GRID2: variants seen among roughly 807,000 people sequenced by gnomAD.
The protein encoded by GRID2 is glutamate receptor ionotropic, delta-2.
In GRID2, 33 loss-of-function variants were observed where a neutral mutation model predicts 114.8. That is an observed-to-expected ratio of 0.29 (90% CI 0.22 to 0.38). The LOEUF (loss-of-function observed/expected upper bound fraction) is 0.38. Among genes scored for constraint, GRID2 ranks in the 10% least tolerant of loss-of-function variants. The probability of loss-of-function intolerance (pLI) is 1.00; values close to 1 mark genes in which losing one functional copy is unlikely to be tolerated. For missense variants in GRID2, 1,184 were observed against 1,257.7 expected (o/e 0.94, Z 0.89); for synonymous variants, 505 against 449.9 (o/e 1.12, Z -1.55).
At chr4:93,786,971 G>A (rs1200308979) in intron 1 of GRID2, among the ~76,000 whole-genome samples, 1 of 151,876 alleles carries the variant, frequency 6.6e-6, no homozygotes, top group African/African-American at 2.4e-5. Context: ...TATAGTGAGA[G>A]GCCATTTTGA....
At chr4:93,585,027 C>T (rs1393255374) in intron 13 of GRID2, among the ~76,000 whole-genome samples, 2 of 152,060 alleles carry the variant, frequency 1.3e-5, no homozygotes, top group Non-Finnish European at 2.9e-5. Flanking sequence ...TCATAATAAG[C>T]AGAGGTTATC....
At chr4:93,368,908 A>G (rs190314890) in intron 8 of GRID2, among the ~76,000 whole-genome samples, 3 of 152,230 alleles carry the variant, frequency 2.0e-5, no homozygotes, top group Non-Finnish European at 4.4e-5. Context: ...TTTCATCTAA[A>G]AAGAGAGAGA....
At chr4:93,066,390 T>A (rs1578888044) in intron 2 of GRID2, among the ~76,000 whole-genome samples, 1 of 151,988 alleles carries the variant, frequency 6.6e-6, no homozygotes, top group Admixed American at 6.6e-5. Flanking sequence ...AAGATTTGCC[T>A]GGACAAATTA....
chr4:93,555,934 TGCAGCCTCCACTGGTGATA>T (rs1272986083), intron 13 of GRID2, among the ~76,000 whole-genome samples: 3 of 152,206 alleles, frequency 2.0e-5, no homozygotes, highest in Non-Finnish European at 4.4e-5. Flanking sequence ...TTTGCTGTTC[TGCAGCCTCCACTGGTGATA>T]CCCAGGCAAA....
At chr4:93,565,470 A>G (rs1735318677) in intron 13 of GRID2, among the ~76,000 whole-genome samples, 1 of 152,196 alleles carries the variant, frequency 6.6e-6, no homozygotes, top group African/African-American at 2.4e-5. Flanking sequence ...ATTTTTATGG[A>G]CAGAAGTTTA....
At chr4:92,585,382 G>T (rs1165348420) in intron 1 of GRID2, among the ~76,000 whole-genome samples, 1 of 151,964 alleles carries the variant, frequency 6.6e-6, no homozygotes, top group Non-Finnish European at 1.5e-5. Context: ...TGAGTAAAGA[G>T]ATTAAAAAGT....
chr4:92,963,559 C>A (rs1385280286), intron 2 of GRID2, among the ~76,000 whole-genome samples: 1 of 151,924 alleles, frequency 6.6e-6, no homozygotes, highest in Non-Finnish European at 1.5e-5. Flanking sequence ...TCAGGCTCTA[C>A]TTCTAATACT....
At chr4:92,963,164 G>C (rs1752931203) in intron 2 of GRID2, among the ~76,000 whole-genome samples, 1 of 151,912 alleles carries the variant, frequency 6.6e-6, no homozygotes, top group African/African-American at 2.4e-5. Flanking sequence ...GTCTTGCCTG[G>C]GTATTGATGG....
At chr4:92,670,575 AT>A (rs1294093668) in intron 2 of GRID2, among the ~76,000 whole-genome samples, 10 of 152,104 alleles carry the variant, frequency 6.6e-5, no homozygotes, top group Non-Finnish European at 1.5e-4. Flanking sequence ...ATTAATACAT[AT>A]AGAGTAAGAT....
intron 2 of GRID2, among the ~76,000 whole-genome samples, chr4:93,037,148 G>GATTTCTCTGGCATGTA (rs1725006378): frequency 6.6e-6 from 1 of 152,070 alleles, no homozygotes; most frequent in South Asian, 2.1e-4. Flanking sequence ...GAAAATACCA[G>GATTTCTCTGGCATGTA]ATTTCTCTGG....
chr4:92,537,269 T>C (rs1309824411), intron 1 of GRID2, among the ~76,000 whole-genome samples: 2 of 152,178 alleles, frequency 1.3e-5, no homozygotes, highest in African/African-American at 2.4e-5. Flanking sequence ...TTAAGTAATT[T>C]ATATACATAC....
intron 13 of GRID2, among the ~76,000 whole-genome samples, chr4:93,567,051 T>C (rs758592744): frequency 4.6e-5 from 7 of 152,146 alleles, no homozygotes; most frequent in African/African-American, 7.2e-5. Context: ...TGCCCCCTTC[T>C]CCACCTTCCC....
intron 1 of GRID2, among the ~76,000 whole-genome samples, chr4:92,412,924 G>A (rs1731411444): frequency 6.6e-6 from 1 of 152,150 alleles, no homozygotes; most frequent in African/African-American, 2.4e-5. Flanking sequence ...ATTTTCTACT[G>A]ACAGTCCAAG....
intron 5 of GRID2, among the ~76,000 whole-genome samples, chr4:93,207,666 T>C (rs1742971976): frequency 6.6e-6 from 1 of 152,004 alleles, no homozygotes; most frequent in Non-Finnish European, 1.5e-5. Context: ...GGAGAAAGTC[T>C]TTCTCACTGA....
intron 2 of GRID2, among the ~76,000 whole-genome samples, chr4:92,646,548 T>A (rs1731637495): frequency 6.6e-6 from 1 of 152,080 alleles, no homozygotes; most frequent in Non-Finnish European, 1.5e-5. Flanking sequence ...TAGTTTTAGC[T>A]TTTATAGCCT....
chr4:92,765,638 A>T (rs531145575), intron 2 of GRID2, among the ~76,000 whole-genome samples: 1 of 152,254 alleles, frequency 6.6e-6, no homozygotes, highest in South Asian at 2.1e-4. Context: ...CAGCCAAATG[A>T]CTGCTAAAAT....
chr4:92,803,644 T>C (rs997183096), intron 2 of GRID2, among the ~76,000 whole-genome samples: 1 of 152,010 alleles, frequency 6.6e-6, no homozygotes, highest in Non-Finnish European at 1.5e-5. Flanking sequence ...TTTCAGAGCA[T>C]TTTATTTTTG....
intron 2 of GRID2, among the ~76,000 whole-genome samples, chr4:93,068,829 G>A (rs1728549131): frequency 6.6e-6 from 1 of 151,918 alleles, no homozygotes; most frequent in South Asian, 2.1e-4. Flanking sequence ...TTGCTATAAA[G>A]AAATACCTGA....
At chr4:92,704,737 C>T (rs1289237707) in intron 2 of GRID2, among the ~76,000 whole-genome samples, 1 of 150,126 alleles carries the variant, frequency 6.7e-6, no homozygotes, top group African/African-American at 2.5e-5. Context: ...CTCTCTCTCT[C>T]TCTCTCTCCC....
Sources: gnomAD v4.1 joint callset for allele counts (sites outside exome capture counted in the v4.1 genomes callset) on GRCh38, gnomAD v4.1.1 for gene constraint, MANE v1.5 for transcripts, NCBI Gene and HGNC (gene_info 2026-07-23, HGNC 2026-07-21) for gene names.